Variants in ADGB observed in about 807,000 individuals in gnomAD.
ADGB encodes the protein androglobin.
A neutral mutation model predicts 210.5 loss-of-function variants in ADGB; 172 were observed. The ratio of observed to expected loss-of-function variants is 0.82; its 90% CI spans 0.72 to 0.93. The LOEUF (loss-of-function observed/expected upper bound fraction) is 0.93, where lower values mean the gene tolerates loss of function less well. Ranked by LOEUF, ADGB falls within the 40% of genes least tolerant of loss-of-function variation. ADGB has a pLI of 0.00. For missense variants in ADGB, 2,025 were observed against 1,964.8 expected (o/e 1.03, Z -0.58); for synonymous variants, 658 against 662.7 (o/e 0.99, Z 0.11).
intron 35 of ADGB, among the ~76,000 whole-genome samples, chr6:146,808,489 A>C (rs1273098637): frequency 6.6e-6 from 1 of 152,182 alleles, no homozygotes; most frequent in Admixed American, 6.5e-5. Context: ...TCTCTAAGAC[A>C]CAGATGAAGT....
chr6:146,647,451 A>G lies in ADGB; in HGVS notation c.330+2586A>G, dbSNP rs138811082. On this transcript the variant is annotated intron_variant, in intron 3 of 35. Transcript: ENST00000397944. ...TGAAAAAAAGTACTTGAAGTGAATC[A>G]GACACAGGAAGAGTGTGTTCAAGGT... Among the ~76,000 whole-genome samples, 626 of 152,248 alleles carry G rather than the reference A, an allele frequency of 4.1e-3. 4 individuals are homozygous for G. Among genetic ancestry groups the G allele is most frequent in the African/African-American group, 0.014 (597 of 41,582 alleles).
intron 3 of ADGB, among the ~76,000 whole-genome samples, chr6:146,652,557 T>C (rs1775717175): frequency 6.6e-6 from 1 of 152,156 alleles, no homozygotes; most frequent in Non-Finnish European, 1.5e-5. Flanking sequence ...ATATACTTGA[T>C]ATGAATTATA....
intron 33 of ADGB, among the ~76,000 whole-genome samples, 174 bp from the exon 34 acceptor site, chr6:146,801,009 A>G (rs375951161): frequency 8.6e-5 from 13 of 151,692 alleles, no homozygotes; most frequent in African/African-American, 3.1e-4. Context: ...GGATAAACAA[A>G]ATATAAGCAT....
At chr6:146,727,127 C>G (rs1430593447) in intron 19 of ADGB, among the ~76,000 whole-genome samples, 1 of 151,758 alleles carries the variant, frequency 6.6e-6, no homozygotes, top group Non-Finnish European at 1.5e-5. Context: ...TGCAGACAGC[C>G]TTCCCACTGC....
chr6:146,807,991 A>ATTTTTTTTTTTTTTT (rs1562307213), intron 35 of ADGB, among the ~76,000 whole-genome samples: 1 of 112,038 alleles, frequency 8.9e-6, no homozygotes. Context: ...ACTATGCTTC[A>ATTTTTTTTTTTTTTT]GTTTTTTTTT....
intron 13 of ADGB, 68 bp from the exon 14 acceptor site, chr6:146,715,314 G>T: frequency 8.0e-7 from 1 of 1,253,310 alleles, no homozygotes; most frequent in Non-Finnish European, 1.1e-6. Context: ...AGCTCTTTTA[G>T]TAACTTTGGT....
intron 2 of ADGB, among the ~76,000 whole-genome samples, chr6:146,644,431 T>C (rs1403590883): frequency 1.3e-5 from 2 of 151,912 alleles, no homozygotes; most frequent in African/African-American, 4.8e-5. Context: ...ATGGAGAATG[T>C]GGCCATATCT....
intron 29 of ADGB, among the ~76,000 whole-genome samples, chr6:146,769,400 G>A (rs1326826775): frequency 6.6e-6 from 1 of 151,950 alleles, no homozygotes; most frequent in East Asian, 1.9e-4. Context: ...ATTACTAATT[G>A]ATTATACTTT....
At chr6:146,708,919 G>A (rs966611221) in intron 13 of ADGB, among the ~76,000 whole-genome samples, 1 of 151,842 alleles carries the variant, frequency 6.6e-6, no homozygotes, top group Non-Finnish European at 1.5e-5. Flanking sequence ...CACTTTGAGT[G>A]CATATTTTCC....
At chr6:146,606,319 C>A (rs763415312) in intron 1 of ADGB, among the ~76,000 whole-genome samples, 7 of 152,086 alleles carry the variant, frequency 4.6e-5, no homozygotes, top group Non-Finnish European at 8.8e-5. Context: ...GCATAGTTTG[C>A]AAATATTTTC....
chr6:146,800,753 TA>T (rs553127042), intron 33 of ADGB, among the ~76,000 whole-genome samples: 2 of 152,148 alleles, frequency 1.3e-5, no homozygotes, highest in Non-Finnish European at 2.9e-5. Flanking sequence ...TATAAATATG[TA>T]AAAAAAATCT....
Position 146,783,303 on chromosome 6 carries a change from T to C in ADGB, c.4035+1111T>C, listed in dbSNP as rs74577887. ...TAGACAATAAAGGAAAATTAACAAA[T>C]AAGAAGAGATGATGACTTGTTGTTT... is the stretch of plus-strand genomic sequence containing the variant. On this transcript the variant is annotated intron_variant, in intron 30 of 35. Coordinates refer to ENST00000397944, the MANE Select transcript of ADGB (RefSeq NM_024694.4). Among the ~76,000 whole-genome samples the C allele has an allele frequency of 4.6e-3, 696 of 152,120 alleles. 5 individuals carry two copies. Among genetic ancestry groups the C allele is most frequent in the African/African-American group, 0.016 (656 of 41,494 alleles).
intron 16 of ADGB, among the ~76,000 whole-genome samples, chr6:146,721,063 A>G (rs1033777896): frequency 5.9e-5 from 9 of 152,116 alleles, no homozygotes; most frequent in Admixed American, 1.3e-4. Flanking sequence ...TCAAAGACCC[A>G]TGCTTGAGTA....
intron 1 of ADGB, among the ~76,000 whole-genome samples, chr6:146,631,038 A>G (rs1781057433): frequency 6.6e-6 from 1 of 152,224 alleles, no homozygotes; most frequent in Non-Finnish European, 1.5e-5. Flanking sequence ...AATATACAAA[A>G]TATTGGCAAA....
chr6:146,711,191 A>C (rs1583600736), intron 13 of ADGB, among the ~76,000 whole-genome samples: 1 of 152,342 alleles, frequency 6.6e-6, no homozygotes, highest in East Asian at 1.9e-4. Flanking sequence ...AAATATGATA[A>C]CATTTCTTAC....
At chr6:146,797,814 A>G (rs1778068703) in intron 33 of ADGB, among the ~76,000 whole-genome samples, 1 of 152,198 alleles carries the variant, frequency 6.6e-6, no homozygotes, top group Non-Finnish European at 1.5e-5. Context: ...GGTACAATGT[A>G]CACAGCTGAA....
intron 19 of ADGB, 58 bp downstream of exon 19, chr6:146,726,255 A>T: frequency 8.0e-7 from 1 of 1,255,044 alleles, no homozygotes; most frequent in Non-Finnish European, 1.1e-6. Context: ...GGAGTCTCGC[A>T]CTGTTGCCAG....
chr6:146,674,660 C>CA (rs1356950543), intron 8 of ADGB, among the ~76,000 whole-genome samples: 1 of 152,102 alleles, frequency 6.6e-6, no homozygotes, highest in Non-Finnish European at 1.5e-5. Flanking sequence ...TGTAGATTCT[C>CA]ACGGAGATTT....
chr6:146,740,369 A>G, intron 23 of ADGB, 90 bp from the exon 24 acceptor site: 2 of 1,170,532 alleles, frequency 1.7e-6, no homozygotes, highest in Non-Finnish European at 2.3e-6. Flanking sequence ...GCAATATCTT[A>G]TACTATTTTT....
Sources: allele counts gnomAD v4.1 joint callset (sites outside exome capture counted in the v4.1 genomes callset), GRCh38; gene constraint gnomAD v4.1.1; transcripts MANE v1.5; gene names NCBI Gene and HGNC (gene_info 2026-07-23, HGNC 2026-07-21).